Variants in ING3 observed in about 807,000 individuals in gnomAD.
ING3 encodes inhibitor of growth protein 3.
In ING3, 6 loss-of-function variants were observed where a neutral mutation model predicts 64.8. That is an observed-to-expected ratio of 0.09 (90% CI 0.05 to 0.18). ING3 has a LOEUF of 0.18. ING3 is among the 10% of genes least tolerant of loss of function. ING3 has a pLI of 1.00. For synonymous variants in ING3, 170 were observed against 173.7 expected (o/e 0.98, Z 0.17); for missense variants, 310 against 489.7 (o/e 0.63, Z 3.46).
Position 120,973,289 on chromosome 7 carries a change from T to G in ING3, c.1140+46T>G, listed in dbSNP as rs193119123. On this transcript the variant is annotated intron_variant, in intron 11 of 11. Coordinates refer to ENST00000315870, the MANE Select transcript of ING3 (RefSeq NM_019071.3). ...TTTAGGAATGAAAAAAATCACAGGT[T>G]GTTATTACTTGAATATTTGTCTTAT... The G allele has an allele frequency of 2.0e-5, 24 of 1,198,856 alleles. No individual in the cohort carries two copies. In the East Asian group the frequency reaches 4.0e-4, roughly 20 times the overall value. 74.3% of individuals were successfully genotyped at this position (1,198,856 alleles called of 1,614,324 possible).
intron 7 of ING3, 99 bp from the exon 8 acceptor site, chr7:120,967,835 T>G: frequency 1.5e-6 from 2 of 1,358,054 alleles, no homozygotes; most frequent in South Asian, 2.8e-5. Flanking sequence ...CATTAAAAAT[T>G]TTAATGATTA....
Position 120,956,149 on chromosome 7 carries a change from T to C in ING3, c.267+525T>C, listed in dbSNP as rs767955155. The C allele has an allele frequency of 4.2e-5, 66 of 1,583,526 alleles. No individual in the cohort carries two copies. In the East Asian group the frequency reaches 1.3e-3, roughly 30 times the overall value. ...AGATGACAAACTTTAAACAAGATTCTTTTTTTGCAGCAGCACTTCTAAAAG... is the reference window on the plus strand; with the variant it reads ...AGATGACAAACTTTAAACAAGATTCCTTTTTTGCAGCAGCACTTCTAAAAG... On this transcript the variant is annotated intron_variant, in intron 4 of 11. Transcript: ENST00000315870.
Position 120,974,900 on chromosome 7 carries a change from A to C in ING3, c.*56A>C. On this transcript the variant is annotated 3_prime_UTR_variant, in exon 12 of 12. Transcript: ENST00000315870. ...ACTTCAGCTGAAGATTTTATATAGGACTTTAAAAAGAAGAGAAGAGAAAGA... is the reference window on the plus strand; with the variant it reads ...ACTTCAGCTGAAGATTTTATATAGGCCTTTAAAAAGAAGAGAAGAGAAAGA... The C allele has an allele frequency of 8.2e-7, 1 of 1,219,306 alleles. No individual in the cohort carries two copies. The highest frequency in any genetic ancestry group is 1.2e-6 in the Non-Finnish European group (1 of 851,318). 75.5% of individuals were successfully genotyped at this position (1,219,306 alleles called of 1,614,324 possible). A position where few individuals can be genotyped will look rare whatever the true frequency, so the allele number is the denominator to read the frequency against.
At chr7:120,952,999 A>G (rs1404128763) in intron 2 of ING3, among the ~76,000 whole-genome samples, 1 of 152,144 alleles carries the variant, frequency 6.6e-6, no homozygotes, top group African/African-American at 2.4e-5. Flanking sequence ...ATTTAATACC[A>G]TTAGCTTTTG....
chr7:120,966,931 C>CAT (rs1796004426), intron 6 of ING3, among the ~76,000 whole-genome samples: 1 of 152,076 alleles, frequency 6.6e-6, no homozygotes, highest in African/African-American at 2.4e-5. Flanking sequence ...GTACTAATAG[C>CAT]ATATATTCCC....
chr7:120,974,313 A>G (rs926311176), intron 11 of ING3, among the ~76,000 whole-genome samples: 16 of 152,208 alleles, frequency 1.1e-4, no homozygotes, highest in African/African-American at 3.9e-4. Context: ...TAAGACATAA[A>G]TTAATGTCTT....
chr7:120,972,903 G>A (rs957630379), intron 10 of ING3, among the ~76,000 whole-genome samples: 3 of 152,030 alleles, frequency 2.0e-5, no homozygotes, highest in African/African-American at 7.2e-5. Flanking sequence ...ATCAAGAAAG[G>A]AACTTAAAAT....
intron 10 of ING3, among the ~76,000 whole-genome samples, chr7:120,972,882 GTAAGTAAA>G (rs1796087944): frequency 6.6e-6 from 1 of 152,104 alleles, no homozygotes; most frequent in Non-Finnish European, 1.5e-5. Flanking sequence ...AAAACTTTCA[GTAAGTAAA>G]TAATCAAGAA....
intron 1 of ING3, 100 bp from the exon 2 acceptor site, chr7:120,951,064 G>T (rs1167283797): frequency 6.6e-7 from 1 of 1,522,032 alleles, no homozygotes; most frequent in Non-Finnish European, 9.1e-7. Flanking sequence ...CCTCGTTGTG[G>T]GCTGCCGGCC....
chr7:120,964,428 C>A (rs544058815), intron 4 of ING3, among the ~76,000 whole-genome samples: 12 of 152,130 alleles, frequency 7.9e-5, no homozygotes, highest in Non-Finnish European at 1.6e-4. Flanking sequence ...TCCCCTCCTC[C>A]CATTCTCTAA....
chr7:120,951,564 G>C (rs61088337), intron 2 of ING3, among the ~76,000 whole-genome samples: 11,279 of 152,200 alleles, frequency 0.074, 1,195 homozygotes, highest in African/African-American at 0.24. Flanking sequence ...TTGAGATGTC[G>C]TCTTGAGCCT....
At chr7:120,958,123 G>A (rs1448310452) in intron 4 of ING3, among the ~76,000 whole-genome samples, 1 of 152,038 alleles carries the variant, frequency 6.6e-6, no homozygotes, top group Non-Finnish European at 1.5e-5. Flanking sequence ...TATCTCTGAG[G>A]CTTCTTTTTG....
intron 9 of ING3, among the ~76,000 whole-genome samples, chr7:120,970,394 G>A (rs1310168100): frequency 6.6e-6 from 1 of 151,812 alleles, no homozygotes; most frequent in African/African-American, 2.4e-5. Flanking sequence ...GAACCTGGGA[G>A]GTGGAGCTTG....
intron 9 of ING3, 25 bp downstream of exon 9, chr7:120,969,229 C>G: frequency 1.9e-6 from 3 of 1,583,836 alleles, no homozygotes; most frequent in Non-Finnish European, 2.6e-6. Context: ...TACAGTAGCC[C>G]TATACCTTTA....
chr7:120,958,118 C>T (rs1795878490), intron 4 of ING3, among the ~76,000 whole-genome samples: 1 of 152,188 alleles, frequency 6.6e-6, no homozygotes, highest in Non-Finnish European at 1.5e-5. Context: ...CCTAGTATCT[C>T]TGAGGCTTCT....
chr7:120,956,702 G>A, intron 4 of ING3: 1 of 979,888 alleles, frequency 1.0e-6, no homozygotes, highest in Non-Finnish European at 1.2e-6. Context: ...AAAAAAAAAG[G>A]TCTTAATTGT....
intron 8 of ING3, 132 bp downstream of exon 8, chr7:120,968,223 G>T (rs1021439109): frequency 7.6e-6 from 6 of 792,790 alleles, no homozygotes; most frequent in Admixed American, 3.0e-5. Flanking sequence ...ATGATTTCAC[G>T]ATATGTGATA....
At chr7:120,953,660 TC>T (rs1187012199) in intron 3 of ING3, among the ~76,000 whole-genome samples, 2 of 152,228 alleles carry the variant, frequency 1.3e-5, no homozygotes, top group African/African-American at 4.8e-5. Flanking sequence ...TACTTTTTTT[TC>T]TATTAGTTTG....
At chr7:120,959,792 C>T (rs922021250) in intron 4 of ING3, among the ~76,000 whole-genome samples, 6 of 150,958 alleles carry the variant, frequency 4.0e-5, no homozygotes, top group Non-Finnish European at 7.4e-5. Flanking sequence ...ATTACAGGCG[C>T]CCACCACCAC....
Sources: gnomAD v4.1 joint callset for allele counts (sites outside exome capture counted in the v4.1 genomes callset) on GRCh38, gnomAD v4.1.1 for gene constraint, MANE v1.5 for transcripts, NCBI Gene and HGNC (gene_info 2026-07-23, HGNC 2026-07-21) for gene names.